The following IRS1 variants were observed in gnomAD, a reference collection of about 807,000 sequenced individuals.
IRS1 encodes the protein insulin receptor substrate 1.
Under a neutral mutation model 65.6 loss-of-function variants are expected in IRS1, and 34 were observed. That is an observed-to-expected ratio of 0.52 (90% CI 0.39 to 0.69). The LOEUF (loss-of-function observed/expected upper bound fraction) is 0.69, where lower values mean the gene tolerates loss of function less well. IRS1 is among the 30% of genes least tolerant of loss of function. The probability of loss-of-function intolerance (pLI) is 0.00; values close to 1 mark genes in which losing one functional copy is unlikely to be tolerated. For synonymous variants in IRS1, 699 were observed against 683.5 expected, an observed-to-expected ratio of 1.02 and a Z score of -0.35; for missense variants, 1,641 against 1,720.2, an observed-to-expected ratio of 0.95 and a Z score of 0.81.
chr2:226,766,783 A>G lies in IRS1; in HGVS notation c.*21+28206T>C, dbSNP rs1384082001. Among the ~76,000 whole-genome samples the G allele has an allele frequency of 3.3e-5, 5 of 152,292 alleles. No homozygotes were observed. In the South Asian group the frequency reaches 1.0e-3, roughly 32 times the overall value. ...TCTTCTGCTTCCCTACTAAAACCTT[A>G]TAATTGCAGGAACTCAAATAATGAA... On this transcript the variant is annotated intron_variant, in intron 1 of 1. Coordinates refer to ENST00000305123, the MANE Select transcript of IRS1 (RefSeq NM_005544.3).
At position 226,798,625 on chromosome 2, in the gene IRS1, A is replaced by T; in HGVS notation, c.114T>A (p.Ala38=). 6.2e-7 allele frequency: 1 copy of T among 1,612,946 alleles called. No individual in the cohort carries two copies. The highest frequency in any genetic ancestry group is 1.7e-5 in the Admixed American group (1 of 60,008). The change falls in exon 1 of 2, where the codon GCT becomes GCA. Residue 38 remains alanine, a synonymous_variant. Coordinates refer to ENST00000305123, the MANE Select transcript of IRS1 (RefSeq NM_005544.3). The surrounding 1 kb of genome is among the most constrained non-coding windows in gnomAD (Gnocchi z 9.4). ...RFFVLRAASE[A]GGPARLEYYE... ...AGTACTCGAGGCGCGCCGGGCCCCC[A>T]GCCTCGCTGGCCGCGCGCAGTACGA...
intron 1 of IRS1, among the ~76,000 whole-genome samples, chr2:226,761,536 G>A (rs1938914417): frequency 6.6e-6 from 1 of 151,778 alleles, no homozygotes; most frequent in African/African-American, 2.4e-5. Context: ...TTTCTTTCTG[G>A]CCCCCTTCTC....
intron 1 of IRS1, among the ~76,000 whole-genome samples, chr2:226,768,715 C>T (rs1939103822): frequency 6.6e-6 from 1 of 152,160 alleles, no homozygotes; most frequent in South Asian, 2.1e-4. Flanking sequence ...CGGCTCGCTG[C>T]AACCCCCACC....
chr2:226,799,394 G>A lies in IRS1; in HGVS notation c.-656C>T. ...TGCTGCTGCTGCTGCTGCTGCTGCC[G>A]CCGCCCGCGGGCGCGTCCTCTGCAG... On this transcript the variant is annotated 5_prime_UTR_variant, in exon 1 of 2. Coordinates refer to ENST00000305123, the MANE Select transcript of IRS1 (RefSeq NM_005544.3). The surrounding 1 kb of genome is among the most constrained non-coding windows in gnomAD (Gnocchi z 6.1). The A allele has an allele frequency of 3.2e-6, 4 of 1,265,624 alleles. No individual in the cohort carries two copies. The highest frequency in any genetic ancestry group is 2.5e-5 in the Admixed American group (1 of 39,482). 78.4% of individuals were successfully genotyped at this position (1,265,624 alleles called of 1,614,324 possible).
intron 1 of IRS1, among the ~76,000 whole-genome samples, chr2:226,770,011 G>T (rs1312213214): frequency 6.7e-6 from 1 of 150,328 alleles, no homozygotes; most frequent in Non-Finnish European, 1.5e-5. Flanking sequence ...ATAGGAGGTT[G>T]AAAAAAAAAG....
intron 1 of IRS1, among the ~76,000 whole-genome samples, chr2:226,751,599 C>A (rs1052208635): frequency 2.6e-5 from 4 of 151,748 alleles, no homozygotes; most frequent in Non-Finnish European, 5.9e-5. Flanking sequence ...TTTTTTTAAA[C>A]CCTGCTTAGT....
In IRS1 at chr2:226,798,969, G is replaced by A; in HGVS notation, c.-231C>T. 1 of 1,442,314 alleles carries A rather than the reference G, an allele frequency of 6.9e-7. No homozygotes were observed. The highest frequency in any genetic ancestry group is 1.4e-5 in the African/African-American group (1 of 69,610). The allele number at this position is 1,442,314 out of a possible 1,614,324, so 89.3% of individuals were successfully genotyped here. On this transcript the variant is annotated 5_prime_UTR_variant, in exon 1 of 2. Transcript: ENST00000305123. This position sits in a 1 kb window ranked among gnomAD's most constrained non-coding sequence, Gnocchi z 9.4. ...CGGAGTTTTCGGGCGCTTCACGCCCGGCGGGGAGGCAGTGCGTCCGGGGTG... is the reference window on the plus strand; with the variant it reads ...CGGAGTTTTCGGGCGCTTCACGCCCAGCGGGGAGGCAGTGCGTCCGGGGTG...
intron 1 of IRS1, among the ~76,000 whole-genome samples, chr2:226,791,971 C>T (rs1043525021): frequency 1.3e-5 from 2 of 151,892 alleles, no homozygotes; most frequent in African/African-American, 4.8e-5. Context: ...GGAGGTGACC[C>T]GGAAAAGGGA....
At chr2:226,766,138 TATATA>T (rs1939031673) in intron 1 of IRS1, among the ~76,000 whole-genome samples, 4 of 4,002 alleles carry the variant, frequency 1.0e-3, no homozygotes, top group African/African-American at 2.3e-3. Context: ...TATATATATA[TATATA>T]TATATATATA....
chr2:226,758,393 CA>C (rs1426565692), intron 1 of IRS1, among the ~76,000 whole-genome samples: 3 of 152,108 alleles, frequency 2.0e-5, no homozygotes, highest in Non-Finnish European at 2.9e-5. Context: ...ATAAAAACAC[CA>C]TAAGTGAAAA....
At chr2:226,767,639 A>C (rs1011391950) in intron 1 of IRS1, among the ~76,000 whole-genome samples, 1 of 152,228 alleles carries the variant, frequency 6.6e-6, no homozygotes, top group Non-Finnish European at 1.5e-5. Context: ...CAATACGCAA[A>C]GGGCCTGGTT....
At chr2:226,778,541 T>TA (rs111466121) in intron 1 of IRS1, among the ~76,000 whole-genome samples, 119 of 145,330 alleles carry the variant, frequency 8.2e-4, no homozygotes, top group Middle Eastern at 3.5e-3. Flanking sequence ...TAACAGAATT[T>TA]AAAAAAAAAA....
chr2:226,761,131 A>G (rs1938907134), intron 1 of IRS1, among the ~76,000 whole-genome samples: 1 of 152,252 alleles, frequency 6.6e-6, no homozygotes, highest in South Asian at 2.1e-4. Context: ...AGCTAAACTT[A>G]GAAATCAAGC....
intron 1 of IRS1, among the ~76,000 whole-genome samples, chr2:226,751,274 ATTTT>A (rs35699614): frequency 2.0e-3 from 155 of 77,542 alleles, no homozygotes; most frequent in African/African-American, 7.1e-3. Context: ...CCACACGGGT[ATTTT>A]TTTTTTTTTT....
In IRS1 at chr2:226,739,450, T is replaced by C. The variant is rs557134693; in HGVS notation, c.*22-3200A>G. Among the ~76,000 whole-genome samples the C allele has an allele frequency of 5.3e-5, 8 of 152,320 alleles. No individual in the cohort carries two copies. In the East Asian group the frequency reaches 1.5e-3, roughly 29 times the overall value. On this transcript the variant is annotated intron_variant, in intron 1 of 1. Coordinates refer to ENST00000305123, the MANE Select transcript of IRS1 (RefSeq NM_005544.3). Reference sequence around the variant, plus strand: ...CCTGCTCAGCCTTGGGCATATTCTTTTGAATAGTCTCTATAGCAGCCAGTC... The same window carrying C: ...CCTGCTCAGCCTTGGGCATATTCTTCTGAATAGTCTCTATAGCAGCCAGTC...
intron 1 of IRS1, among the ~76,000 whole-genome samples, chr2:226,756,799 T>C (rs1938812542): frequency 6.6e-6 from 1 of 151,816 alleles, no homozygotes; most frequent in African/African-American, 2.4e-5. Context: ...CCGTCTCTAC[T>C]AAAAATACAA....
intron 1 of IRS1, among the ~76,000 whole-genome samples, chr2:226,771,870 C>T (rs1420011897): frequency 6.6e-6 from 1 of 152,120 alleles, no homozygotes; most frequent in African/African-American, 2.4e-5. Flanking sequence ...TACCTAGCTC[C>T]TTTTAAAGTT....
At chr2:226,744,667 A>T (rs543101610) in intron 1 of IRS1, among the ~76,000 whole-genome samples, 4 of 152,268 alleles carry the variant, frequency 2.6e-5, no homozygotes, top group African/African-American at 9.6e-5. Flanking sequence ...TATGCAAGGG[A>T]TCTATGTTGC....
rs972015556 is a variant in IRS1, at chr2:226,774,144, T to C, written c.*21+20845A>G. Among the ~76,000 whole-genome samples the C allele has an allele frequency of 2.6e-5, 4 of 152,232 alleles. No homozygotes were observed. In the South Asian group the frequency reaches 6.2e-4, roughly 24 times the overall value. On this transcript the variant is annotated intron_variant, in intron 1 of 1. Transcript: ENST00000305123. ...CAAGCCTCAATGAACTTCATTAACTTGATTCCCCGAGACTTGAGAGTCCGT... is the reference window on the plus strand; with the variant it reads ...CAAGCCTCAATGAACTTCATTAACTCGATTCCCCGAGACTTGAGAGTCCGT...
Sources: allele counts gnomAD v4.1 joint callset (sites outside exome capture counted in the v4.1 genomes callset), GRCh38; gene constraint gnomAD v4.1.1; non-coding constraint Gnocchi (gnomAD v3.1); transcripts MANE v1.5; gene names NCBI Gene and HGNC (gene_info 2026-07-23, HGNC 2026-07-21).